The following PPFIA2 variants were observed in gnomAD, a reference collection of about 807,000 sequenced individuals.
PPFIA2 encodes PPFI scaffold protein A2.
Under a neutral mutation model 175.5 loss-of-function variants are expected in PPFIA2, and 46 were observed. The observed-to-expected ratio is 0.26, with a 90% CI of 0.21 to 0.34. PPFIA2 has a LOEUF of 0.34. PPFIA2 is among the 10% of genes least tolerant of loss of function. The probability of loss-of-function intolerance (pLI) is 1.00; values close to 1 mark genes in which losing one functional copy is unlikely to be tolerated. For synonymous variants in PPFIA2, 568 were observed against 511.4 expected, an observed-to-expected ratio of 1.11 and a Z score of -1.49; for missense variants, 1,179 against 1,506.1, an observed-to-expected ratio of 0.78 and a Z score of 3.60.
intron 4 of PPFIA2, among the ~76,000 whole-genome samples, chr12:81,558,340 TG>T (rs1288610575): frequency 6.6e-6 from 1 of 152,212 alleles, no homozygotes; most frequent in African/African-American, 2.4e-5. Flanking sequence ...TTAGAATGAA[TG>T]GAAGATTGAT....
At position 81,474,258 on chromosome 12, in the gene PPFIA2, G is replaced by A. The variant is rs182400176; in HGVS notation, c.304-16392C>T. 4.3e-3 allele frequency among the ~76,000 whole-genome samples: 657 copies of A among 152,300 alleles called. 3 individuals carry two copies. Among genetic ancestry groups the A allele is most frequent in the African/African-American group, 0.015 (620 of 41,562 alleles). ...TGCAACCTCCACCTCCCGGTTTCAA[G>A]CAATTCTTGTGCCTCAGCCTCCCCA... On this transcript the variant is annotated intron_variant, in intron 4 of 32. Transcript: ENST00000549396.
intron 4 of PPFIA2, among the ~76,000 whole-genome samples, chr12:81,464,996 A>G (rs1463197791): frequency 6.6e-6 from 1 of 152,118 alleles, no homozygotes; most frequent in Non-Finnish European, 1.5e-5. Context: ...AAATGCTTGA[A>G]AGGCTTTGAT....
chr12:81,595,063 G>T (rs990367669), intron 4 of PPFIA2, among the ~76,000 whole-genome samples: 1 of 152,078 alleles, frequency 6.6e-6, no homozygotes, highest in Non-Finnish European at 1.5e-5. Context: ...GAGCCATGGT[G>T]GTGGCCAGGA....
At chr12:81,297,799 G>A (rs2046863098) in intron 23 of PPFIA2, among the ~76,000 whole-genome samples, 1 of 152,200 alleles carries the variant, frequency 6.6e-6, no homozygotes, top group African/African-American at 2.4e-5. Context: ...AATGGCATGT[G>A]AAGCATGGAA....
intron 4 of PPFIA2, among the ~76,000 whole-genome samples, chr12:81,664,436 A>G (rs2069665758): frequency 6.6e-6 from 1 of 152,178 alleles, no homozygotes; most frequent in Non-Finnish European, 1.5e-5. Flanking sequence ...GACACATGAA[A>G]AAATGCTCAT....
At chr12:81,539,449 A>T (rs2065889416) in intron 4 of PPFIA2, among the ~76,000 whole-genome samples, 1 of 151,964 alleles carries the variant, frequency 6.6e-6, no homozygotes, top group Non-Finnish European at 1.5e-5. Context: ...ATTTGAGAAG[A>T]AACAAGCGAT....
At chr12:81,712,984 C>T (rs542698232) in intron 3 of PPFIA2, among the ~76,000 whole-genome samples, 1 of 151,120 alleles carries the variant, frequency 6.6e-6, no homozygotes, top group African/African-American at 2.4e-5. Flanking sequence ...CTGGAGCCTA[C>T]ATCTCAAAGT....
intron 16 of PPFIA2, among the ~76,000 whole-genome samples, chr12:81,355,760 T>A (rs1015021060): frequency 6.6e-6 from 1 of 152,192 alleles, no homozygotes; most frequent in Non-Finnish European, 1.5e-5. Context: ...TTCTGCAGCT[T>A]CCTCACCTCT....
At chr12:81,757,043 C>A (rs552061514) in intron 2 of PPFIA2, among the ~76,000 whole-genome samples, 1 of 152,202 alleles carries the variant, frequency 6.6e-6, no homozygotes, top group South Asian at 2.1e-4. Flanking sequence ...AGCTTAGTTT[C>A]TTTCATTAGA....
At chr12:81,513,148 A>G (rs1163765116) in intron 4 of PPFIA2, among the ~76,000 whole-genome samples, 1 of 152,244 alleles carries the variant, frequency 6.6e-6, no homozygotes, top group East Asian at 1.9e-4. Context: ...ACATGGAAAA[A>G]TGCTCAACAT....
At chr12:81,447,481 C>T (rs1396477829) in intron 5 of PPFIA2, among the ~76,000 whole-genome samples, 2 of 152,170 alleles carry the variant, frequency 1.3e-5, no homozygotes, top group Non-Finnish European at 2.9e-5. Flanking sequence ...ATTTAACCAG[C>T]TCTTTCTCAT....
intron 3 of PPFIA2, among the ~76,000 whole-genome samples, chr12:81,737,266 A>C (rs2081718581): frequency 6.7e-6 from 1 of 150,004 alleles, no homozygotes; most frequent in Non-Finnish European, 1.5e-5. Context: ...AGAGATGGGA[A>C]TTGAGATCAA....
At chr12:81,451,404 T>C (rs761262728) in intron 5 of PPFIA2, among the ~76,000 whole-genome samples, 1 of 152,078 alleles carries the variant, frequency 6.6e-6, no homozygotes, top group Non-Finnish European at 1.5e-5. Context: ...GGAGTTAGCC[T>C]GACGGGGCAG....
At chr12:81,396,151 T>A (rs1209886216) in intron 8 of PPFIA2, among the ~76,000 whole-genome samples, 1 of 152,028 alleles carries the variant, frequency 6.6e-6, no homozygotes, top group Non-Finnish European at 1.5e-5. Context: ...ATTTATAAAG[T>A]TAATCATTAA....
At chr12:81,302,047 C>A in intron 22 of PPFIA2, 1 of 270,390 alleles carries the variant, frequency 3.7e-6, no homozygotes. Flanking sequence ...AGATCAGGCA[C>A]AGAAGAGGTG....
At chr12:81,526,507 G>T (rs1008846344) in intron 4 of PPFIA2, among the ~76,000 whole-genome samples, 3 of 152,120 alleles carry the variant, frequency 2.0e-5, no homozygotes, top group African/African-American at 7.2e-5. Context: ...AGTATTAGCT[G>T]GGATTCTGTT....
intron 4 of PPFIA2, among the ~76,000 whole-genome samples, chr12:81,490,770 T>A (rs911635566): frequency 6.6e-6 from 1 of 151,962 alleles, no homozygotes; most frequent in African/African-American, 2.4e-5. Flanking sequence ...ATTCTTGTTT[T>A]TTGACTGCTG....
intron 4 of PPFIA2, among the ~76,000 whole-genome samples, chr12:81,663,360 T>C (rs1219154451): frequency 1.3e-5 from 2 of 152,132 alleles, no homozygotes; most frequent in African/African-American, 4.8e-5. Flanking sequence ...ACAAAATCAA[T>C]CTGCAAAAAT....
chr12:81,421,368 ACT>A (rs1461433159), intron 7 of PPFIA2, among the ~76,000 whole-genome samples: 1 of 152,024 alleles, frequency 6.6e-6, no homozygotes, highest in Non-Finnish European at 1.5e-5. Context: ...ATAAAAAGAA[ACT>A]CTAACTACAA....
Sources: allele counts gnomAD v4.1 joint callset (sites outside exome capture counted in the v4.1 genomes callset), GRCh38; gene constraint gnomAD v4.1.1; transcripts MANE v1.5; gene names NCBI Gene and HGNC (gene_info 2026-07-23, HGNC 2026-07-21).